The following ESCO1 variants were observed in gnomAD, a reference collection of about 807,000 sequenced individuals.
The protein encoded by ESCO1 is N-acetyltransferase ESCO1.
Under a neutral mutation model 83.5 loss-of-function variants are expected in ESCO1, and 33 were observed. The ratio of observed to expected loss-of-function variants is 0.40; its 90% CI spans 0.30 to 0.53. The LOEUF (loss-of-function observed/expected upper bound fraction) is 0.53, where lower values mean the gene tolerates loss of function less well. ESCO1 is among the 20% of genes least tolerant of loss of function. ESCO1 has a pLI of 0.63. For synonymous variants in ESCO1, 332 were observed against 324.3 expected (o/e 1.02, Z -0.25); for missense variants, 855 against 968.0 (o/e 0.88, Z 1.55).
chr18:21,584,648 C>CT (rs1482370053), intron 1 of ESCO1, among the ~76,000 whole-genome samples: 8 of 151,944 alleles, frequency 5.3e-5, no homozygotes, highest in South Asian at 2.1e-4. Flanking sequence ...TGATGAAACT[C>CT]TGTCTCTTCG....
Position 21,562,595 on chromosome 18 carries a change from T to C in ESCO1, c.1822-1605A>G, listed in dbSNP as rs111557558. Reference sequence around the variant, plus strand: ...GGTTGAGGCTGCAAGTGAGCTGTGATCACACCATTGCACTCTAGCCTGGGT... The same window carrying C: ...GGTTGAGGCTGCAAGTGAGCTGTGACCACACCATTGCACTCTAGCCTGGGT... On this transcript the variant is annotated intron_variant, in intron 7 of 11. Coordinates refer to ENST00000269214, the MANE Select transcript of ESCO1 (RefSeq NM_052911.3). Among the ~76,000 whole-genome samples, 22 of 151,952 alleles carry C rather than the reference T, an allele frequency of 1.4e-4. 1 individual carries two copies. The highest frequency in any genetic ancestry group is 4.8e-4 in the African/African-American group (20 of 41,456).
chr18:21,531,893 C>CAAAAAAA (rs10646843), intron 11 of ESCO1, among the ~76,000 whole-genome samples: 1 of 82,014 alleles, frequency 1.2e-5, no homozygotes, highest in Non-Finnish European at 2.2e-5. Context: ...GACTCCATCT[C>CAAAAAAA]AAAAAAAAAA....
chr18:21,536,618 G>C (rs1053105840), intron 9 of ESCO1, among the ~76,000 whole-genome samples: 1 of 148,094 alleles, frequency 6.8e-6, no homozygotes, highest in African/African-American at 2.5e-5. Flanking sequence ...AAGTTCTTTT[G>C]AATGACTGTA....
At chr18:21,594,115 A>G (rs375265657) in intron 1 of ESCO1, among the ~76,000 whole-genome samples, 1 of 152,176 alleles carries the variant, frequency 6.6e-6, no homozygotes, top group African/African-American at 2.4e-5. Flanking sequence ...CACAATCAAA[A>G]TATCTCTAGA....
chr18:21,533,074 G>A (rs926821580), intron 10 of ESCO1, among the ~76,000 whole-genome samples: 36 of 152,022 alleles, frequency 2.4e-4, no homozygotes, highest in Non-Finnish European at 3.2e-4. Context: ...TTCTGTGATT[G>A]CTGTCACAGT....
intron 8 of ESCO1, among the ~76,000 whole-genome samples, chr18:21,545,822 G>C (rs184855877): frequency 6.6e-6 from 1 of 150,954 alleles, no homozygotes; most frequent in African/African-American, 2.4e-5. Flanking sequence ...CCAGCTACTC[G>C]GGGGGGCTGA....
chr18:21,545,822 G>A (rs184855877), intron 8 of ESCO1, among the ~76,000 whole-genome samples: 109 of 151,076 alleles, frequency 7.2e-4, no homozygotes, highest in African/African-American at 2.6e-3. Context: ...CCAGCTACTC[G>A]GGGGGGCTGA....
chr18:21,573,621 T>C lies in ESCO1; in HGVS notation c.1223A>G (p.Asp408Gly). ...KFNSVQHNKL[D>G]SQVSPKLGLL... ...GCCTAATTTAGGGGAAACTTGAGAG[T>C]CCAACTTATTGTGCTGCACAGAGTT... Residue 408 changes from aspartate to glycine, a missense_variant, in exon 4 of 12, where the codon GAC (aspartate) becomes GGC (glycine). Transcript: ENST00000269214. 6.2e-7 allele frequency: 1 copy of C among 1,614,070 alleles called. No homozygotes were observed. Among genetic ancestry groups the C allele is most frequent in the Non-Finnish European group, 8.5e-7 (1 of 1,180,020 alleles).
intron 2 of ESCO1, among the ~76,000 whole-genome samples, chr18:21,579,790 G>GCGCA (rs1555672171): frequency 1.2e-4 from 5 of 40,314 alleles, no homozygotes; most frequent in East Asian, 1.4e-3. Context: ...ACACACGCGC[G>GCGCA]CGCGCACACA....
Position 21,530,438 on chromosome 18 carries a change from C to T in ESCO1, c.2428G>A (p.Asp810Asn). ...AACAGCTTTCCATCAGGAGTGGGAT[C>T]TGAGAAAGCAATTTCTTCTTTGCTC... ...YLSKEEIAFS[D>N]PTPDGKLFAT... The change falls in exon 12 of 12, where the codon GAT becomes AAT. Residue 810 changes from aspartate (D) to asparagine (N), a missense_variant. Coordinates refer to ENST00000269214, the MANE Select transcript of ESCO1 (RefSeq NM_052911.3). 1 of 1,594,920 alleles carries T rather than the reference C, an allele frequency of 6.3e-7. No homozygotes were observed. Among genetic ancestry groups the T allele is most frequent in the Non-Finnish European group, 8.5e-7 (1 of 1,172,950 alleles).
rs377263759 is a variant in ESCO1 at position 21,532,400 on chromosome 18, C to T, written c.2375+73G>A. The T allele has an allele frequency of 3.9e-5, 57 of 1,460,724 alleles. No individual in the cohort carries two copies. In the East Asian group the frequency reaches 1.3e-3, roughly 32 times the overall value. 90.5% of individuals were successfully genotyped at this position (1,460,724 alleles called of 1,614,324 possible). A position where few individuals can be genotyped will look rare whatever the true frequency, so the allele number is the denominator to read the frequency against. On this transcript the variant is annotated intron_variant, in intron 11 of 11. Transcript: ENST00000269214. ...AGATTATACGCATGTTAATTAAATGCCAATCTTTACACTAAAGCTCTGCCT... is the reference window on the plus strand; with the variant it reads ...AGATTATACGCATGTTAATTAAATGTCAATCTTTACACTAAAGCTCTGCCT...
chr18:21,580,168 G>T (rs2038482332), intron 2 of ESCO1, among the ~76,000 whole-genome samples: 1 of 151,864 alleles, frequency 6.6e-6, no homozygotes, highest in South Asian at 2.1e-4. Context: ...CAAAGTGCTG[G>T]GATTACAGGC....
intron 7 of ESCO1, among the ~76,000 whole-genome samples, chr18:21,561,633 G>A (rs2146198830): frequency 6.6e-6 from 1 of 152,290 alleles, no homozygotes; most frequent in East Asian, 1.9e-4. Context: ...TCACCATGTT[G>A]ACCAGGTTGG....
chr18:21,551,414 G>A (rs2038046510), intron 8 of ESCO1, among the ~76,000 whole-genome samples: 1 of 152,002 alleles, frequency 6.6e-6, no homozygotes, highest in Non-Finnish European at 1.5e-5. Flanking sequence ...CTGGGCAACA[G>A]AGCGAGACTC....
intron 1 of ESCO1, among the ~76,000 whole-genome samples, chr18:21,587,195 T>C (rs1459335874): frequency 6.6e-6 from 1 of 152,212 alleles, no homozygotes; most frequent in Non-Finnish European, 1.5e-5. Context: ...AATCTGTAGT[T>C]TTCTTGTGAT....
chr18:21,595,950 C>G (rs1027574797), intron 1 of ESCO1, among the ~76,000 whole-genome samples: 2 of 150,930 alleles, frequency 1.3e-5, no homozygotes, highest in African/African-American at 4.9e-5. Flanking sequence ...GGCGACAGAG[C>G]GAGACTCCAT....
rs796458362 is a variant in ESCO1 at position 21,584,330 on chromosome 18, C to A, written c.-714G>T. On this transcript the variant is annotated 5_prime_UTR_variant, in exon 2 of 12. Coordinates refer to ENST00000269214, the MANE Select transcript of ESCO1 (RefSeq NM_052911.3). ...CTTACCTTAAAGAAATAATATATCACCTTTTTCTTCAAGTTGATTGATGAA... is the reference window on the plus strand; with the variant it reads ...CTTACCTTAAAGAAATAATATATCAACTTTTTCTTCAAGTTGATTGATGAA... 1.3e-5 allele frequency: 2 copies of A among 151,986 alleles called. No individual in the cohort carries two copies. The highest frequency in any genetic ancestry group is 4.8e-5 in the African/African-American group (2 of 41,446). The allele number at this position is 151,986 out of a possible 1,614,324, so 9.4% of individuals were successfully genotyped here.
intron 10 of ESCO1, among the ~76,000 whole-genome samples, chr18:21,535,380 ATT>A (rs377455761): frequency 0.2 from 20,866 of 106,182 alleles, 1,700 homozygotes; most frequent in Middle Eastern, 0.38. Flanking sequence ...GCGCCTGGCT[ATT>A]TTTTTTTTTC....
At chr18:21,549,650 G>A (rs982239438) in intron 8 of ESCO1, among the ~76,000 whole-genome samples, 2 of 152,022 alleles carry the variant, frequency 1.3e-5, no homozygotes, top group Non-Finnish European at 2.9e-5. Flanking sequence ...ATGTATTTGG[G>A]AGTTTTGCTC....
Sources: gnomAD v4.1 joint callset for allele counts (sites outside exome capture counted in the v4.1 genomes callset) on GRCh38, gnomAD v4.1.1 for gene constraint, MANE v1.5 for transcripts, NCBI Gene and HGNC (gene_info 2026-07-23, HGNC 2026-07-21) for gene names.